IFNAR1: variants seen among roughly 807,000 people sequenced by gnomAD.
IFNAR1 encodes the protein interferon alpha/beta receptor 1.
Under a neutral mutation model 62.1 loss-of-function variants are expected in IFNAR1, and 47 were observed. That is an observed-to-expected ratio of 0.76 (90% confidence interval 0.60 to 0.97). The LOEUF is 0.97. IFNAR1 is among the 50% of genes least tolerant of loss of function. The pLI, the probability that IFNAR1 is intolerant of heterozygous loss-of-function variation, is 0.00. For missense variants in IFNAR1, 638 were observed against 654.5 expected (o/e 0.97, Z 0.27); for synonymous variants, 219 against 226.9 (o/e 0.97, Z 0.31).
chr21:33,330,093 C>T (rs2083161247), intron 1 of IFNAR1, among the ~76,000 whole-genome samples: 1 of 152,180 alleles, frequency 6.6e-6, no homozygotes, highest in Admixed American at 6.5e-5. Context: ...ACCCATCTTC[C>T]ACCTCTCAAC....
At position 33,359,854 on chromosome 21, in the gene IFNAR1, A is replaced by G. The variant is rs1459924059; in HGVS notation, c.*4305A>G. 2.0e-5 allele frequency: 3 copies of G among 152,214 alleles called. No homozygotes were observed. Among genetic ancestry groups the G allele is most frequent in the African/African-American group, 4.8e-5 (2 of 41,456 alleles). 9.4% of individuals were successfully genotyped at this position (152,214 alleles called of 1,614,324 possible). A position where few individuals can be genotyped will look rare whatever the true frequency, so the allele number is the denominator to read the frequency against. On this transcript the variant is annotated 3_prime_UTR_variant, in exon 11 of 11. Transcript: ENST00000270139. ...TGGTACTTAGTAATAACAAAATACC[A>G]GTAACTTCCAGTTGTTTCTCACTAC...
intron 1 of IFNAR1, among the ~76,000 whole-genome samples, chr21:33,326,536 C>G (rs1012209644): frequency 2.0e-5 from 3 of 152,190 alleles, no homozygotes; most frequent in African/African-American, 7.2e-5. Context: ...AGGAACTAGA[C>G]TTAGGTTGTA....
rs545612399 is a variant in IFNAR1, at chr21:33,338,471, T to A, written c.201-2528T>A. On this transcript the variant is annotated intron_variant, in intron 2 of 10. Coordinates refer to ENST00000270139, the MANE Select transcript of IFNAR1 (RefSeq NM_000629.3). ...ATCGCTTGAACCCAGGAGGCACAGG[T>A]TGCAGTGAGCTGAAATCGTGCCCCT... Among the ~76,000 whole-genome samples the A allele has an allele frequency of 8.9e-5, 13 of 145,578 alleles. No homozygotes were observed. In the East Asian group the frequency reaches 2.7e-3, roughly 30 times the overall value.
In IFNAR1 at chr21:33,333,614, A is replaced by ATTTTTTTTTTTTTTTTTTT. The variant is rs59240203; in HGVS notation, c.77-1899_77-1898insTTTTTTTTTTTTTTTTTTT. Among the ~76,000 whole-genome samples, 670 of 106,896 alleles carry ATTTTTTTTTTTTTTTTTTT rather than the reference A, an allele frequency of 6.3e-3. 33 individuals carry two copies. The highest frequency in any genetic ancestry group is 0.011 in the South Asian group (34 of 2,968). The allele number at this position is 106,896 out of a possible 152,430, so 70.1% of individuals were successfully genotyped here. On this transcript the variant is annotated intron_variant, in intron 1 of 10. Coordinates refer to ENST00000270139, the MANE Select transcript of IFNAR1 (RefSeq NM_000629.3). ...CCATACTTAAAGAGACTGGCGGAAT[A>ATTTTTTTTTTTTTTTTTTT]TTTTTTTTTTTCTTTTTTTTTTTTT...
chr21:33,355,226 G>T (rs1171216495), intron 10 of IFNAR1, 90 bp from the exon 11 acceptor site: 2 of 668,420 alleles, frequency 3.0e-6, no homozygotes, highest in East Asian at 2.9e-5. Context: ...CTCAGTAATG[G>T]ATGTAAGAAA....
chr21:33,325,026 G>T lies in IFNAR1; in HGVS notation c.-30G>T, dbSNP rs1221098110. ...AGAGGAGCTGCGCGTGCGCGAACAT[G>T]TAACTGGTGGGATCTGCGGCGGCTC... On this transcript the variant is annotated 5_prime_UTR_variant, in exon 1 of 11. The change abolishes an upstream ATG in the 5' untranslated region. Transcript: ENST00000270139. 6.4e-7 allele frequency: 1 copy of T among 1,571,444 alleles called. No homozygotes were observed. Among genetic ancestry groups the T allele is most frequent in the East Asian group, 2.3e-5 (1 of 42,744 alleles).
chr21:33,349,204 G>A lies in IFNAR1; in HGVS notation c.902G>A (p.Gly301Glu), dbSNP rs375386475. 1.2e-6 allele frequency: 2 copies of A among 1,613,514 alleles called. No individual in the cohort carries two copies. The highest frequency in any genetic ancestry group is 2.2e-5 in the East Asian group (1 of 44,844). The change falls in exon 7 of 11, where the codon GGA becomes GAA. Residue 301 changes from glycine to glutamate, a missense_variant. Gly to Glu is a moderately conservative substitution (Grantham distance 98). Coordinates refer to ENST00000270139, the MANE Select transcript of IFNAR1 (RefSeq NM_000629.3). ...TTTCCTCAAAACGTTTTCCAAAAAG[G>A]AATTTACCTTCTCCGCGTACAAGCA... is the stretch of plus-strand genomic sequence containing the variant. ...CVFPQNVFQKGIYLLRVQASD... is the reference protein window; with the variant it reads ...CVFPQNVFQKEIYLLRVQASD...
rs540761185 is a variant in IFNAR1 at position 33,340,470 on chromosome 21, C to T, written c.201-529C>T. Among the ~76,000 whole-genome samples the T allele has an allele frequency of 1.3e-5, 2 of 151,968 alleles. 1 individual carries two copies. Among genetic ancestry groups the T allele is most frequent in the African/African-American group, 4.8e-5 (2 of 41,444 alleles). ...AACCCCTATGCTCAAATGACCCTCT[C>T]ACCTCAGCCTACCCAGTAGCTAGGA... On this transcript the variant is annotated intron_variant, in intron 2 of 10. Transcript: ENST00000270139.
At chr21:33,334,653 G>T (rs2083215835) in intron 1 of IFNAR1, 1 of 762,130 alleles carries the variant, frequency 1.3e-6, no homozygotes, top group African/African-American at 1.7e-5. Flanking sequence ...AATGGCTTCT[G>T]GGGAAGACCC....
chr21:33,338,244 TA>T (rs1436481137), intron 2 of IFNAR1, among the ~76,000 whole-genome samples: 4 of 152,054 alleles, frequency 2.6e-5, no homozygotes, highest in Non-Finnish European at 5.9e-5. Context: ...ATTAAAAAGT[TA>T]AAAAAGGCTG....
At chr21:33,327,973 A>T (rs1402971954) in intron 1 of IFNAR1, among the ~76,000 whole-genome samples, 1 of 152,196 alleles carries the variant, frequency 6.6e-6, no homozygotes, top group Non-Finnish European at 1.5e-5. Context: ...GGGGTTGTGG[A>T]GACCAAAATT....
chr21:33,337,108 A>C (rs2083244768), intron 2 of IFNAR1, among the ~76,000 whole-genome samples: 1 of 151,842 alleles, frequency 6.6e-6, no homozygotes, highest in Admixed American at 6.6e-5. Context: ...CTGTAATCCC[A>C]CCTACTTGGG....
At chr21:33,345,109 A>G (rs2083333012) in intron 5 of IFNAR1, 137 bp from the exon 6 acceptor site, 2 of 572,386 alleles carry the variant, frequency 3.5e-6, no homozygotes, top group Non-Finnish European at 6.2e-6. Context: ...AAATGGCTGC[A>G]TAGTATTACA....
intron 2 of IFNAR1, among the ~76,000 whole-genome samples, chr21:33,339,664 G>A (rs1319038835): frequency 1.3e-5 from 2 of 152,110 alleles, no homozygotes; most frequent in Non-Finnish European, 2.9e-5. Context: ...GCTCACGCCT[G>A]TAATCCCAGC....
rs138259105 is a variant in IFNAR1, at chr21:33,326,294, T to C, written c.76+1163T>C. On this transcript the variant is annotated intron_variant, in intron 1 of 10. Coordinates refer to ENST00000270139, the MANE Select transcript of IFNAR1 (RefSeq NM_000629.3). ...ATCTCAGCTCACTGCAACCTCTGCC[T>C]CCCAGGTTCAGGCGATTCTCCTGCC... 6.4e-4 allele frequency among the ~76,000 whole-genome samples: 97 copies of C among 150,896 alleles called. No homozygotes were observed. The East Asian group carries it at 0.018, about 28-fold the overall frequency.
At chr21:33,353,936 A>G (rs1301475472) in intron 10 of IFNAR1, among the ~76,000 whole-genome samples, 153 bp downstream of exon 10, 1 of 152,244 alleles carries the variant, frequency 6.6e-6, no homozygotes, top group African/African-American at 2.4e-5. Flanking sequence ...AATTAACTTT[A>G]AAAACAGTAA....
At chr21:33,345,717 C>T (rs923456072) in intron 6 of IFNAR1, among the ~76,000 whole-genome samples, 2 of 152,238 alleles carry the variant, frequency 1.3e-5, no homozygotes, top group Non-Finnish European at 2.9e-5. Context: ...TCTAAGAACT[C>T]ACTTCTTCCA....
intron 5 of IFNAR1, among the ~76,000 whole-genome samples, 166 bp downstream of exon 5, chr21:33,343,842 A>G (rs1761365848): frequency 6.6e-6 from 1 of 152,246 alleles, no homozygotes; most frequent in Admixed American, 6.5e-5. Context: ...TGTCTCAAAT[A>G]GTAATGAAAA....
rs567598411 is a variant in IFNAR1 at position 33,349,771 on chromosome 21, A to T, written c.1143+228A>T. On this transcript the variant is annotated intron_variant, in intron 8 of 10. Coordinates refer to ENST00000270139, the MANE Select transcript of IFNAR1 (RefSeq NM_000629.3). ...GAGACCCTGTCTCAATAAAAATTTT[A>T]AAAAATTAGCCTGGTGTGGTGGCGT... Among the ~76,000 whole-genome samples the T allele has an allele frequency of 8.5e-5, 13 of 152,086 alleles. No homozygotes were observed. In the South Asian group the frequency reaches 1.0e-3, roughly 12 times the overall value.
Sources: allele counts gnomAD v4.1 joint callset (sites outside exome capture counted in the v4.1 genomes callset), GRCh38; gene constraint gnomAD v4.1.1; transcripts MANE v1.5; gene names NCBI Gene and HGNC (gene_info 2026-07-23, HGNC 2026-07-21).